The following ITGB2 variants were observed in gnomAD, a reference collection of about 807,000 sequenced individuals.
The protein encoded by ITGB2 is integrin beta-2.
Under a neutral mutation model 86.8 loss-of-function variants are expected in ITGB2, and 56 were observed. The ratio of observed to expected loss-of-function variants is 0.65; its 90% confidence interval spans 0.52 to 0.81. The LOEUF is 0.81. Among genes scored for constraint, ITGB2 ranks in the 30% least tolerant of loss-of-function variants. ITGB2 has a pLI of 0.00. For missense variants in ITGB2, 948 were observed against 1,061.2 expected (o/e 0.89, Z 1.48); for synonymous variants, 457 against 450.4 (o/e 1.01, Z -0.19).
chr21:44,905,278 TAAG>T (rs1333640830), intron 4 of ITGB2, among the ~76,000 whole-genome samples: 1 of 152,068 alleles, frequency 6.6e-6, no homozygotes, highest in African/African-American at 2.4e-5. Flanking sequence ...GGGGTGCTGT[TAAG>T]ATCTCTCCCT....
At chr21:44,919,153 C>T (rs966784148) in intron 1 of ITGB2, among the ~76,000 whole-genome samples, 2 of 152,190 alleles carry the variant, frequency 1.3e-5, no homozygotes, top group African/African-American at 2.4e-5. Context: ...CACAGCCCCC[C>T]CGGGGTCAGG....
chr21:44,915,995 TC>T (rs1601330106), intron 1 of ITGB2, among the ~76,000 whole-genome samples: 2 of 152,238 alleles, frequency 1.3e-5, no homozygotes, highest in East Asian at 3.9e-4. Flanking sequence ...AGATCTCGGC[TC>T]ACTGCAACCT....
chr21:44,888,430 G>A (rs2083730306), intron 14 of ITGB2, among the ~76,000 whole-genome samples: 1 of 152,246 alleles, frequency 6.6e-6, no homozygotes, highest in East Asian at 1.9e-4. Flanking sequence ...GTGTGGAGCA[G>A]TGGTGCCCCC....
In ITGB2 at chr21:44,891,922, G is replaced by A. The variant is rs2083791401; in HGVS notation, c.1299C>T (p.Phe433=). Reference sequence around the variant, plus strand: ...GAACCTGCACGGTCACTATGTCCGTGAAGCCCAGCGCCCGGATGACAAACG... The same window carrying A: ...GAACCTGCACGGTCACTATGTCCGTAAAGCCCAGCGCCCGGATGACAAACG... ...EQSFVIRALG[F]TDIVTVQVLP... is the part of the protein sequence containing the mutation. The change falls in exon 11 of 16, where the codon TTC becomes TTT. Residue 433 remains phenylalanine (F), a synonymous_variant. Transcript: ENST00000652462. 1.9e-6 allele frequency: 3 copies of A among 1,613,312 alleles called. No homozygotes were observed. Among genetic ancestry groups the A allele is most frequent in the Non-Finnish European group, 2.5e-6 (3 of 1,180,002 alleles).
At chr21:44,889,587 C>T in intron 12 of ITGB2, 92 bp from the exon 13 acceptor site, 2 of 1,145,022 alleles carry the variant, frequency 1.7e-6, no homozygotes, top group Non-Finnish European at 2.5e-6. Flanking sequence ...TCCGGCCCGC[C>T]TGCCTCCTCC....
upstream of ITGB2, among the ~76,000 whole-genome samples, chr21:44,922,662 A>T (rs200346197): frequency 7.8e-6 from 1 of 127,396 alleles, no homozygotes; most frequent in Non-Finnish European, 1.6e-5. Context: ...AACTGAGAAA[A>T]AAAAAAAAAA....
chr21:44,897,826 C>T (rs1157696926), intron 8 of ITGB2, among the ~76,000 whole-genome samples: 1 of 152,246 alleles, frequency 6.6e-6, no homozygotes, highest in Non-Finnish European at 1.5e-5. Flanking sequence ...CTCAGTCCTT[C>T]TGTCCCTGTG....
chr21:44,924,569 A>T (rs1379552403), upstream of ITGB2, among the ~76,000 whole-genome samples: 1 of 152,226 alleles, frequency 6.6e-6, no homozygotes, highest in Non-Finnish European at 1.5e-5. Context: ...TGATAAACAC[A>T]TAATTACTAG....
At position 44,902,842 on chromosome 21, in the gene ITGB2, C is replaced by T. The variant is rs1277381824; in HGVS notation, c.499+523G>A. On this transcript the variant is annotated intron_variant, in intron 5 of 15. Transcript: ENST00000652462. ...TGTGTGTTATCGTGCATGTGTGCAT[C>T]CCCGCATGTAGGGAAGGTGGCAGAG... Among the ~76,000 whole-genome samples the T allele has an allele frequency of 2.6e-5, 4 of 152,280 alleles. No homozygotes were observed. The East Asian group carries it at 7.7e-4, about 29-fold the overall frequency.
At chr21:44,888,947 C>G in intron 13 of ITGB2, 52 bp from the exon 14 acceptor site, 1 of 1,555,232 alleles carries the variant, frequency 6.4e-7, no homozygotes, top group Non-Finnish European at 8.7e-7. Context: ...GGGGCTCCGG[C>G]AACGGGGGCT....
At chr21:44,896,724 C>T (rs1305865191) in intron 8 of ITGB2, among the ~76,000 whole-genome samples, 3 of 151,454 alleles carry the variant, frequency 2.0e-5, no homozygotes, top group African/African-American at 7.2e-5. Flanking sequence ...GAAACACACT[C>T]GGAGGGGGCG....
chr21:44,916,896 GA>G (rs1287349391), intron 1 of ITGB2, among the ~76,000 whole-genome samples: 1 of 151,716 alleles, frequency 6.6e-6, no homozygotes, highest in East Asian at 1.9e-4. Context: ...AGCTAAGGGG[GA>G]AAATAGCAAG....
rs566218386 is a variant in ITGB2, at chr21:44,889,802, C to T, written c.1657+176G>A. ...CATGGACACAGAAACTGAGGCAGGG[C>T]GGGGTGCAGGGCCATCCAAGTTCCT... is the stretch of plus-strand genomic sequence containing the variant. On this transcript the variant is annotated intron_variant, in intron 12 of 15. Coordinates refer to ENST00000652462, the MANE Select transcript of ITGB2 (RefSeq NM_000211.5). Among the ~76,000 whole-genome samples the T allele has an allele frequency of 3.9e-5, 6 of 152,302 alleles. No homozygotes were observed. The South Asian group carries it at 8.3e-4, about 21-fold the overall frequency.
At chr21:44,892,725 A>G (rs935894871) in intron 10 of ITGB2, among the ~76,000 whole-genome samples, 7 of 151,648 alleles carry the variant, frequency 4.6e-5, no homozygotes, top group African/African-American at 1.7e-4. Context: ...ATATTATTTC[A>G]CAGCTAGCAA....
intron 1 of ITGB2, among the ~76,000 whole-genome samples, chr21:44,912,526 C>G (rs1368038209): frequency 6.6e-6 from 1 of 152,224 alleles, no homozygotes; most frequent in Non-Finnish European, 1.5e-5. Context: ...AACCCTTGAT[C>G]CTTCCCGTCC....
At chr21:44,928,155 A>G (rs979319091) in intron 1 of ITGB2, 2 of 152,128 alleles carry the variant, frequency 1.3e-5, no homozygotes, top group African/African-American at 2.4e-5. Flanking sequence ...GACTCACCCA[A>G]AGGAAGATTT....
At chr21:44,888,602 T>G in intron 14 of ITGB2, 91 bp downstream of exon 14, 269 of 1,399,594 alleles carry the variant, frequency 1.9e-4, no homozygotes, top group Middle Eastern at 4.4e-4. Flanking sequence ...ACACTGGAGG[T>G]GAGATCCTCC....
intron 7 of ITGB2, among the ~76,000 whole-genome samples, chr21:44,899,374 T>C (rs1018084104): frequency 2.0e-5 from 3 of 152,062 alleles, no homozygotes; most frequent in African/African-American, 4.8e-5. Context: ...GCTTTCAGAG[T>C]CCAGGCATGA....
chr21:44,890,524 G>A (rs748350597), intron 11 of ITGB2, among the ~76,000 whole-genome samples: 14 of 152,204 alleles, frequency 9.2e-5, no homozygotes, highest in African/African-American at 2.2e-4. Flanking sequence ...CCTGTGCTGC[G>A]ATACCGGTGC....
Sources: gnomAD v4.1 joint callset for allele counts (sites outside exome capture counted in the v4.1 genomes callset) on GRCh38, gnomAD v4.1.1 for gene constraint, MANE v1.5 for transcripts, NCBI Gene and HGNC (gene_info 2026-07-23, HGNC 2026-07-21) for gene names.